Variants in DPP10 observed in about 807,000 individuals in gnomAD.
The protein encoded by DPP10 is dipeptidyl peptidase like 10.
Under a neutral mutation model 120.9 loss-of-function variants are expected in DPP10, and 33 were observed. The ratio of observed to expected loss-of-function variants is 0.27; its 90% CI spans 0.21 to 0.37. The LOEUF (loss-of-function observed/expected upper bound fraction) is 0.37. DPP10 is among the 10% of genes least tolerant of loss of function. The pLI, the probability that DPP10 is intolerant of heterozygous loss-of-function variation, is 1.00. For synonymous variants in DPP10, 337 were observed against 326.1 expected, an observed-to-expected ratio of 1.03 and a Z score of -0.36; for missense variants, 816 against 942.8, an observed-to-expected ratio of 0.87 and a Z score of 1.76.
intron 1 of DPP10, among the ~76,000 whole-genome samples, chr2:114,678,417 T>C (rs1698806951): frequency 1.3e-5 from 2 of 152,112 alleles, no homozygotes; most frequent in Admixed American, 6.6e-5. Context: ...GGAAGTTTTA[T>C]TGTTCTATGG....
At chr2:114,779,995 G>C (rs1682157279) in intron 1 of DPP10, among the ~76,000 whole-genome samples, 1 of 152,048 alleles carries the variant, frequency 6.6e-6, no homozygotes, top group South Asian at 2.1e-4. Context: ...AATAAGCCGG[G>C]TGTGGTGGTG....
chr2:114,490,265 C>A (rs1681870218), intron 1 of DPP10, among the ~76,000 whole-genome samples: 1 of 152,134 alleles, frequency 6.6e-6, no homozygotes, highest in South Asian at 2.1e-4. Flanking sequence ...ATGTCTTTTG[C>A]AAAATGAGCT....
At chr2:115,331,232 T>C (rs184015171) in intron 2 of DPP10, among the ~76,000 whole-genome samples, 1 of 152,000 alleles carries the variant, frequency 6.6e-6, no homozygotes, top group African/African-American at 2.4e-5. Context: ...CTGTCTGTTA[T>C]TTGTGTATAA....
intron 1 of DPP10, among the ~76,000 whole-genome samples, chr2:115,052,437 G>T (rs1393795343): frequency 2.0e-5 from 3 of 152,086 alleles, no homozygotes; most frequent in South Asian, 2.1e-4. Flanking sequence ...TCTCATAAGG[G>T]TTTAATATCC....
chr2:115,104,482 A>G (rs1027858383), intron 1 of DPP10, among the ~76,000 whole-genome samples: 3 of 152,172 alleles, frequency 2.0e-5, no homozygotes, highest in Admixed American at 2.0e-4. Flanking sequence ...AATTTCATTT[A>G]TATATAGGCA....
intron 1 of DPP10, among the ~76,000 whole-genome samples, chr2:114,593,197 GA>G (rs1691608131): frequency 6.6e-6 from 1 of 151,978 alleles, no homozygotes; most frequent in African/African-American, 2.4e-5. Flanking sequence ...TTAGGAACAA[GA>G]AAAAAATGAA....
chr2:115,264,422 G>A (rs1000109909), intron 1 of DPP10, among the ~76,000 whole-genome samples: 8 of 152,090 alleles, frequency 5.3e-5, no homozygotes, highest in East Asian at 1.9e-4. Flanking sequence ...GGGCAGGATC[G>A]CATAAACAAG....
chr2:115,153,146 G>A (rs1215412685), intron 1 of DPP10, among the ~76,000 whole-genome samples: 1 of 152,112 alleles, frequency 6.6e-6, no homozygotes, highest in Non-Finnish European at 1.5e-5. Context: ...ATACTGAAGA[G>A]TAATAATGCT....
chr2:114,818,000 C>G (rs1036743446), intron 1 of DPP10, among the ~76,000 whole-genome samples: 3 of 152,034 alleles, frequency 2.0e-5, no homozygotes, highest in African/African-American at 7.2e-5. Flanking sequence ...TTAGAAAATA[C>G]CTTTCTAGCC....
chr2:114,796,794 A>T (rs556363064), intron 1 of DPP10, among the ~76,000 whole-genome samples: 12 of 152,202 alleles, frequency 7.9e-5, no homozygotes, highest in Admixed American at 2.6e-4. Context: ...ACTATTTCTA[A>T]CATGGCAGTT....
intron 5 of DPP10, among the ~76,000 whole-genome samples, chr2:115,589,750 C>T (rs1014799342): frequency 6.6e-6 from 1 of 152,044 alleles, no homozygotes; most frequent in African/African-American, 2.4e-5. Flanking sequence ...AAAGTTTAAA[C>T]AAAACTTTAA....
chr2:114,587,035 T>C (rs11885502), intron 1 of DPP10, among the ~76,000 whole-genome samples: 151,697 of 152,262 alleles, frequency 1, 75,572 homozygotes, highest in Middle Eastern at 1. Context: ...CAGTGGCTTA[T>C]GCCTGTAATC....
At chr2:114,531,419 A>T (rs1685970006) in intron 1 of DPP10, among the ~76,000 whole-genome samples, 2 of 151,784 alleles carry the variant, frequency 1.3e-5, no homozygotes, top group African/African-American at 4.8e-5. Context: ...AAGAAAGAGA[A>T]GGAGAGAGAG....
intron 1 of DPP10, among the ~76,000 whole-genome samples, chr2:114,571,172 G>A (rs1464254594): frequency 6.6e-6 from 1 of 152,142 alleles, no homozygotes; most frequent in East Asian, 1.9e-4. Context: ...TGGAGACGGG[G>A]CGTACTGGGA....
chr2:115,428,689 C>T (rs749496019), intron 3 of DPP10, among the ~76,000 whole-genome samples: 1 of 152,164 alleles, frequency 6.6e-6, no homozygotes, highest in African/African-American at 2.4e-5. Flanking sequence ...TAGAAATGCT[C>T]GTTTCCCAGT....
intron 1 of DPP10, among the ~76,000 whole-genome samples, chr2:114,694,835 G>A (rs1307747144): frequency 1.3e-5 from 2 of 151,976 alleles, no homozygotes; most frequent in Non-Finnish European, 2.9e-5. Context: ...GGTAAAGTGA[G>A]CCAGGTAAAA....
chr2:114,599,133 TGTTA>T (rs1485411637), intron 1 of DPP10, among the ~76,000 whole-genome samples: 6 of 151,862 alleles, frequency 4.0e-5, no homozygotes, highest in East Asian at 1.9e-4. Flanking sequence ...ATACATAACT[TGTTA>T]GTTATGTTTT....
chr2:114,651,318 G>C (rs955442525), intron 1 of DPP10, among the ~76,000 whole-genome samples: 5 of 152,122 alleles, frequency 3.3e-5, no homozygotes, highest in Non-Finnish European at 7.3e-5. Flanking sequence ...ATTACTCCAG[G>C]GTAAGCGCCA....
At chr2:115,674,763 A>T (rs1308482373) in intron 5 of DPP10, among the ~76,000 whole-genome samples, 3 of 152,216 alleles carry the variant, frequency 2.0e-5, no homozygotes, top group Admixed American at 2.0e-4. Context: ...GAGGAACCTT[A>T]CAAATAGAGG....
Sources: allele counts gnomAD v4.1 joint callset (sites outside exome capture counted in the v4.1 genomes callset), GRCh38; gene constraint gnomAD v4.1.1; transcripts MANE v1.5; gene names NCBI Gene and HGNC (gene_info 2026-07-23, HGNC 2026-07-21).